GPM6B: variants seen among roughly 807,000 people sequenced by gnomAD.
The protein encoded by GPM6B is glycoprotein M6B, also known as neuronal membrane glycoprotein M6-b.
GPM6B carries 4 observed loss-of-function variants against 27.2 expected under a neutral mutation model. The observed-to-expected ratio is 0.15, with a 90% confidence interval of 0.07 to 0.34. The LOEUF is 0.34. GPM6B is among the 10% of genes least tolerant of loss of function. The pLI, the probability that GPM6B is intolerant of heterozygous loss-of-function variation, is 1.00. For synonymous variants in GPM6B, 124 were observed against 103.1 expected (o/e 1.20, Z -1.23); for missense variants, 183 against 261.9 (o/e 0.70, Z 2.08).
At chrX:13,831,370 T>C (rs955841474) in intron 1 of GPM6B, among the ~76,000 whole-genome samples, 4 of 111,349 alleles carry the variant, frequency 3.6e-5, no homozygotes, top group Non-Finnish European at 5.7e-5. Flanking sequence ...GGTTCTAATC[T>C]TGGCTCTGTC....
upstream of GPM6B, among the ~76,000 whole-genome samples, chrX:13,820,193 G>A (rs370892071): frequency 1.7e-4 from 19 of 111,500 alleles, no homozygotes; most frequent in East Asian, 4.2e-3. Context: ...ACTAGAGGCT[G>A]GCAAACTAGT....
At chrX:13,871,612 C>A (rs1006603295) in intron 1 of GPM6B, among the ~76,000 whole-genome samples, 8 of 111,991 alleles carry the variant, frequency 7.1e-5, no homozygotes, top group African/African-American at 2.3e-4. Flanking sequence ...GCAGATTGCA[C>A]CTTTCAGTGA....
chrX:13,784,545 T>G (rs2048573868), intron 3 of GPM6B, among the ~76,000 whole-genome samples: 1 of 112,109 alleles, frequency 8.9e-6, no homozygotes, highest in African/African-American at 3.2e-5. Context: ...ATTCATGTCT[T>G]TTTCAGTCTG....
chrX:13,850,652 C>T (rs1338530848), intron 1 of GPM6B, among the ~76,000 whole-genome samples: 1 of 111,719 alleles, frequency 9.0e-6, no homozygotes, highest in African/African-American at 3.3e-5. Context: ...TGAGTATGGG[C>T]AATATACTTA....
At chrX:13,807,466 G>A (rs1346897326) in intron 2 of GPM6B, among the ~76,000 whole-genome samples, 184 bp downstream of exon 2, 1 of 112,513 alleles carries the variant, frequency 8.9e-6, no homozygotes, top group Non-Finnish European at 1.9e-5. Context: ...GTGGAATGGA[G>A]AGGGAGAGAG....
chrX:13,802,202 A>C (rs1004721055), intron 2 of GPM6B, among the ~76,000 whole-genome samples: 2 of 111,427 alleles, frequency 1.8e-5, no homozygotes, highest in African/African-American at 6.5e-5. Flanking sequence ...AAGGCAGCAA[A>C]GACCAGATGA....
chrX:13,851,062 C>G (rs1252985774), intron 1 of GPM6B, among the ~76,000 whole-genome samples: 1 of 105,363 alleles, frequency 9.5e-6, no homozygotes, highest in Non-Finnish European at 1.9e-5. Flanking sequence ...ACTCGGGAGG[C>G]TGAGGCAGGA....
intron 1 of GPM6B, among the ~76,000 whole-genome samples, chrX:13,842,891 A>G (rs1172681540): frequency 8.9e-6 from 1 of 111,939 alleles, no homozygotes; most frequent in African/African-American, 3.3e-5. Context: ...ACTGATTACG[A>G]TGAAGCCAAA....
intron 1 of GPM6B, among the ~76,000 whole-genome samples, chrX:13,927,957 G>A (rs889530083): frequency 8.9e-6 from 1 of 111,809 alleles, no homozygotes; most frequent in Non-Finnish European, 1.9e-5. Flanking sequence ...AGGAACCAAT[G>A]ATATGTGTAC....
chrX:13,861,105 TACAC>T (rs1179669665), intron 1 of GPM6B, among the ~76,000 whole-genome samples: 1 of 104,974 alleles, frequency 9.5e-6, no homozygotes, highest in Non-Finnish European at 1.9e-5. Context: ...CACATACATA[TACAC>T]ACATATATAT....
At chrX:13,927,111 C>T in intron 1 of GPM6B, among the ~76,000 whole-genome samples, 1 of 109,747 alleles carries the variant, frequency 9.1e-6, no homozygotes, top group Non-Finnish European at 1.9e-5. Context: ...AAGAGAAAAC[C>T]CAAATGACCA....
chrX:13,833,426 T>C (rs755828134), intron 1 of GPM6B, among the ~76,000 whole-genome samples: 24 of 109,487 alleles, frequency 2.2e-4, no homozygotes, highest in Non-Finnish European at 4.6e-4. Context: ...ACTTTAAAAA[T>C]TGTGTCAGCC....
intron 1 of GPM6B, among the ~76,000 whole-genome samples, chrX:13,844,685 A>G (rs1370261438): frequency 8.9e-6 from 1 of 111,865 alleles, no homozygotes; most frequent in Non-Finnish European, 1.9e-5. Context: ...AGGATCTTCA[A>G]ACTTCAGTAA....
At chrX:13,830,540 A>G (rs5935663) in intron 1 of GPM6B, among the ~76,000 whole-genome samples, 1,641 of 112,368 alleles carry the variant, frequency 0.015, 22 homozygotes, top group Non-Finnish European at 0.023. Context: ...AGTAAAATCA[A>G]AACAATTGAG....
chrX:13,937,326 C>A (rs188423150), intron 1 of GPM6B, among the ~76,000 whole-genome samples: 1 of 111,446 alleles, frequency 9.0e-6, no homozygotes, highest in African/African-American at 3.3e-5. Flanking sequence ...CAAAAAAGTG[C>A]CCCCTTTACT....
At chrX:13,799,190 ATTTTTTTTTTTTTTTT>A (rs763194245) in intron 2 of GPM6B, among the ~76,000 whole-genome samples, 4 of 35,969 alleles carry the variant, frequency 1.1e-4, no homozygotes, top group South Asian at 2.3e-3. Flanking sequence ...AGCCAACCTA[ATTTTTTTTTTTTTTTT>A]TTTTTTTTTT....
intron 1 of GPM6B, among the ~76,000 whole-genome samples, chrX:13,894,578 A>G (rs1263248257): frequency 1.8e-5 from 2 of 112,365 alleles, no homozygotes; most frequent in Non-Finnish European, 3.8e-5. Context: ...TAGTTGAGTC[A>G]CAGGCTGAGG....
rs2147094571 is a variant in GPM6B, at chrX:13,771,074, A to G, written c.*1807T>C. ...TTTATTGTAACACTTGAATAGAACT[A>G]CAGGAAGCCCTTGGCACTGATAGAA... On this transcript the variant is annotated 3_prime_UTR_variant, in exon 8 of 8. Coordinates refer to ENST00000316715, the MANE Select transcript of GPM6B (RefSeq NM_001001995.3). 8.9e-6 allele frequency: 1 copy of G among 112,709 alleles called. No homozygotes were observed. The highest frequency in any genetic ancestry group is 3.7e-4 in the South Asian group (1 of 2,730). 9.3% of individuals were successfully genotyped at this position (112,709 alleles called of 1,213,427 possible).
chrX:13,866,359 G>A (rs369515047), intron 1 of GPM6B, among the ~76,000 whole-genome samples: 12 of 112,166 alleles, frequency 1.1e-4, no homozygotes, highest in East Asian at 2.8e-4. Context: ...GTGAAACTCC[G>A]TCTCAAAAAA....
Sources: gnomAD v4.1 joint callset for allele counts (sites outside exome capture counted in the v4.1 genomes callset) on GRCh38, gnomAD v4.1.1 for gene constraint, MANE v1.5 for transcripts, NCBI Gene and HGNC (gene_info 2026-07-23, HGNC 2026-07-21) for gene names.